The following DPP6 variants were observed in gnomAD, a reference collection of about 807,000 sequenced individuals.
DPP6 encodes the protein dipeptidyl peptidase like 6.
A neutral mutation model predicts 122.6 loss-of-function variants in DPP6; 69 were observed. That is an observed-to-expected ratio of 0.56 (90% confidence interval 0.46 to 0.69). The LOEUF (loss-of-function observed/expected upper bound fraction) is 0.69, where lower values mean the gene tolerates loss of function less well. Ranked by LOEUF, DPP6 falls within the 30% of genes least tolerant of loss-of-function variation. The pLI, the probability that DPP6 is intolerant of heterozygous loss-of-function variation, is 0.00. For missense variants in DPP6, 928 were observed against 1,116.9 expected, an observed-to-expected ratio of 0.83 and a Z score of 2.41; for synonymous variants, 418 against 433.1, an observed-to-expected ratio of 0.97 and a Z score of 0.43.
At chr7:154,686,415 ATT>A (rs55835037) in intron 7 of DPP6, among the ~76,000 whole-genome samples, 7 of 148,074 alleles carry the variant, frequency 4.7e-5, no homozygotes, top group Non-Finnish European at 6.0e-5. Context: ...CACCATAAGG[ATT>A]TTTTTTTTTT....
chr7:154,264,060 T>TA (rs1014302595), intron 1 of DPP6, among the ~76,000 whole-genome samples: 1 of 152,138 alleles, frequency 6.6e-6, no homozygotes, highest in Non-Finnish European at 1.5e-5. Context: ...GAAAATAACT[T>TA]ACATGGCCAA....
intron 6 of DPP6, among the ~76,000 whole-genome samples, chr7:154,641,962 G>T (rs150755056): frequency 6.6e-6 from 1 of 152,146 alleles, no homozygotes; most frequent in African/African-American, 2.4e-5. Flanking sequence ...TGAAAAAATT[G>T]TGTTCCTTTA....
chr7:154,666,508 A>G (rs1435763995), intron 6 of DPP6, among the ~76,000 whole-genome samples: 1 of 152,140 alleles, frequency 6.6e-6, no homozygotes, highest in Non-Finnish European at 1.5e-5. Context: ...TTGTGGTATA[A>G]TAGTTAACAT....
chr7:154,006,970 C>T (rs865798902), intron 1 of DPP6, among the ~76,000 whole-genome samples: 1 of 152,184 alleles, frequency 6.6e-6, no homozygotes, highest in Non-Finnish European at 1.5e-5. Flanking sequence ...ACAGCTGCTC[C>T]CCTGAGAAGA....
intron 3 of DPP6, among the ~76,000 whole-genome samples, chr7:154,520,073 C>A (rs1341177454): frequency 1.3e-5 from 2 of 152,086 alleles, no homozygotes; most frequent in African/African-American, 4.8e-5. Flanking sequence ...GGATTAGAAC[C>A]AAATTCTCCT....
chr7:154,225,988 A>T (rs904521855), intron 1 of DPP6, among the ~76,000 whole-genome samples: 6 of 152,192 alleles, frequency 3.9e-5, no homozygotes, highest in African/African-American at 1.4e-4. Flanking sequence ...TGAATGAGCA[A>T]CTGAAGATGA....
the DPP6 span, among the ~76,000 whole-genome samples, chr7:153,808,442 CGT>C: frequency 3.8e-4 from 58 of 151,216 alleles, 1 homozygote; most frequent in East Asian, 9.7e-4. Context: ...TGTGTGTGTG[CGT>C]GTGTGTGTGT....
chr7:154,438,469 C>CAAAAAAAAA lies in DPP6; in HGVS notation c.244-7725_244-7717dup, dbSNP rs58978160. On this transcript the variant is annotated intron_variant, in intron 1 of 25. Coordinates refer to ENST00000377770, the MANE Select transcript of DPP6 (RefSeq NM_130797.4). ...TGGGTGACAGAGTGAGACTCCAACTCAAAAAAAAAAAAAAAAAAAAAAAAA... is the reference window on the plus strand; with the variant it reads ...TGGGTGACAGAGTGAGACTCCAACTCAAAAAAAAAAAAAAAAAAAAAAAAAAAAAAAAAA... Among the ~76,000 whole-genome samples, 57 of 37,476 alleles carry CAAAAAAAAA rather than the reference C, an allele frequency of 1.5e-3. 1 individual carries two copies. The highest frequency in any genetic ancestry group is 2.1e-3 in the Non-Finnish European group (44 of 20,720). 24.6% of individuals were successfully genotyped at this position (37,476 alleles called of 152,430 possible).
At position 154,097,294 on chromosome 7, in the gene DPP6, A is replaced by G. The variant is rs1227635799; in HGVS notation, c.243+44231A>G. Among the ~76,000 whole-genome samples, 5 of 152,234 alleles carry G rather than the reference A, an allele frequency of 3.3e-5. No individual in the cohort carries two copies. In the East Asian group the frequency reaches 9.6e-4, roughly 29 times the overall value. ...TGGGCTTATTTTGGCCCATCCCATG[A>G]AAGAAGAGGCTGAGTCTGACAACAG... On this transcript the variant is annotated intron_variant, in intron 1 of 25. Transcript: ENST00000377770.
Position 154,403,291 on chromosome 7 carries a change from T to C in DPP6, c.244-42923T>C, listed in dbSNP as rs1223782012. On this transcript the variant is annotated intron_variant, in intron 1 of 25. Transcript: ENST00000377770. This position sits in a 1 kb window ranked among gnomAD's most constrained non-coding sequence, Gnocchi z 4.1. ...GACTATGCAGGAGGTTGCTGTGTGA[T>C]AGAGTGCGGGGGAATCAGGACACCG... 1.3e-5 allele frequency among the ~76,000 whole-genome samples: 2 copies of C among 152,158 alleles called. No individual in the cohort carries two copies. Among genetic ancestry groups the C allele is most frequent in the Non-Finnish European group, 2.9e-5 (2 of 68,030 alleles).
At chr7:154,229,569 A>T (rs1299476952) in intron 1 of DPP6, among the ~76,000 whole-genome samples, 1 of 152,220 alleles carries the variant, frequency 6.6e-6, no homozygotes, top group African/African-American at 2.4e-5. Context: ...TGGATGGATT[A>T]CCACTGAGGG....
intron 5 of DPP6, among the ~76,000 whole-genome samples, chr7:154,636,635 A>T (rs139191855): frequency 2.6e-5 from 4 of 152,246 alleles, no homozygotes; most frequent in African/African-American, 9.6e-5. Context: ...GATTGTTGGG[A>T]TTTAAGTGCT....
intron 16 of DPP6, among the ~76,000 whole-genome samples, chr7:154,824,423 G>A (rs1247783622): frequency 6.6e-6 from 1 of 152,212 alleles, no homozygotes; most frequent in African/African-American, 2.4e-5. Context: ...GGGATTACAG[G>A]CATGTGCCAC....
At chr7:154,845,487 T>C (rs1354342364) in intron 16 of DPP6, among the ~76,000 whole-genome samples, 1 of 152,112 alleles carries the variant, frequency 6.6e-6, no homozygotes, top group Non-Finnish European at 1.5e-5. Flanking sequence ...CAGTTTGTAG[T>C]CAGGAAAACC....
At chr7:154,297,593 C>G (rs940304270) in intron 1 of DPP6, among the ~76,000 whole-genome samples, 1 of 152,200 alleles carries the variant, frequency 6.6e-6, no homozygotes, top group African/African-American at 2.4e-5. Context: ...AGGACTTGGA[C>G]TGTATCAATT....
At chr7:154,536,930 C>T (rs934692816) in intron 3 of DPP6, among the ~76,000 whole-genome samples, 5 of 152,208 alleles carry the variant, frequency 3.3e-5, no homozygotes, top group Admixed American at 2.0e-4. Context: ...CATGTCATTT[C>T]CCAGTGAATT....
intron 1 of DPP6, among the ~76,000 whole-genome samples, chr7:154,248,789 C>G (rs1802154933): frequency 6.6e-6 from 1 of 152,074 alleles, no homozygotes; most frequent in African/African-American, 2.4e-5. Context: ...TCGTTTGAAC[C>G]CAGGAGACGG....
chr7:154,292,030 G>T (rs1420602469), intron 1 of DPP6, among the ~76,000 whole-genome samples: 1 of 152,078 alleles, frequency 6.6e-6, no homozygotes, highest in Non-Finnish European at 1.5e-5. Context: ...AAAGGAAGAA[G>T]GTAGCCCTGA....
intron 2 of DPP6, among the ~76,000 whole-genome samples, chr7:154,454,034 C>T (rs953784375): frequency 5.9e-5 from 9 of 152,178 alleles, no homozygotes; most frequent in South Asian, 2.1e-4. Flanking sequence ...AGATGGCTTG[C>T]TCCGTATCTT....
Sources: gnomAD v4.1 joint callset for allele counts (sites outside exome capture counted in the v4.1 genomes callset) on GRCh38, gnomAD v4.1.1 for gene constraint, Gnocchi (gnomAD v3.1) non-coding constraint, MANE v1.5 for transcripts, NCBI Gene and HGNC (gene_info 2026-07-23, HGNC 2026-07-21) for gene names.